The following STXBP6 variants were observed in gnomAD, a reference collection of about 807,000 sequenced individuals.
STXBP6 encodes the protein syntaxin-binding protein 6.
STXBP6 carries 21 observed loss-of-function variants against 26.9 expected under a neutral mutation model. The ratio of observed to expected loss-of-function variants is 0.78; its 90% CI spans 0.55 to 1.12. The LOEUF (loss-of-function observed/expected upper bound fraction) is 1.12. Among genes scored for constraint, STXBP6 ranks in the 50% most tolerant of loss-of-function variants. STXBP6 has a pLI of 0.00. For synonymous variants in STXBP6, 97 were observed against 92.6 expected, an observed-to-expected ratio of 1.05 and a Z score of -0.27; for missense variants, 232 against 257.9, an observed-to-expected ratio of 0.90 and a Z score of 0.69.
At chr14:24,993,172 C>T (rs1050637296) in intron 1 of STXBP6, among the ~76,000 whole-genome samples, 3 of 152,086 alleles carry the variant, frequency 2.0e-5, no homozygotes, top group Non-Finnish European at 4.4e-5. Flanking sequence ...ACCTTCAGCC[C>T]ACATGTTCAG....
At chr14:24,814,778 T>G (rs2067922893) in intron 5 of STXBP6, among the ~76,000 whole-genome samples, 1 of 152,180 alleles carries the variant, frequency 6.6e-6, no homozygotes, top group Non-Finnish European at 1.5e-5. Context: ...AGAGCACTCA[T>G]GAATGAGATT....
In STXBP6 at chr14:24,812,533, T is replaced by A. The variant is rs745531773; in HGVS notation, c.*176A>T. ...TTTATTAGCAAGATCATTAGGGAAA[T>A]GTAAAAATGCAACACCCTTTCTTTC... On this transcript the variant is annotated 3_prime_UTR_variant, in exon 6 of 6. Coordinates refer to ENST00000323944, the MANE Select transcript of STXBP6 (RefSeq NM_001394410.1). The A allele has an allele frequency of 1.6e-6, 1 of 626,018 alleles. No individual in the cohort carries two copies. The highest frequency in any genetic ancestry group is 2.8e-6 in the Non-Finnish European group (1 of 360,736). The allele number at this position is 626,018 out of a possible 1,614,324, so 38.8% of individuals were successfully genotyped here.
chr14:25,038,068 AACAC>A (rs145804703), intron 1 of STXBP6, among the ~76,000 whole-genome samples: 3 of 151,430 alleles, frequency 2.0e-5, no homozygotes, highest in Admixed American at 6.7e-5. Context: ...TAAAAATACG[AACAC>A]ACACACACAC....
chr14:24,911,734 A>G (rs1222125822), intron 2 of STXBP6, among the ~76,000 whole-genome samples: 1 of 152,176 alleles, frequency 6.6e-6, no homozygotes, highest in African/African-American at 2.4e-5. Flanking sequence ...TTATTCTATT[A>G]TCACCCTTTT....
chr14:25,049,788 C>T lies in STXBP6; in HGVS notation c.-33+90G>A, dbSNP rs1467366982. ...CAGCCACCCGCCTCGGACGGAGCGC[C>T]AGGCGCCCCAACAGCCGTGGCGGCT... is the stretch of plus-strand genomic sequence containing the variant. On this transcript the variant is annotated intron_variant, in intron 1 of 5. Transcript: ENST00000323944. The surrounding 1 kb of genome is among the most constrained non-coding windows in gnomAD (Gnocchi z 5.6). The T allele has an allele frequency of 1.0e-6, 1 of 985,628 alleles. No homozygotes were observed. Among genetic ancestry groups the T allele is most frequent in the Non-Finnish European group, 1.2e-6 (1 of 830,236 alleles). The allele number at this position is 985,628 out of a possible 1,614,324, so 61.1% of individuals were successfully genotyped here.
At chr14:24,883,314 A>C (rs1756074200) in intron 2 of STXBP6, among the ~76,000 whole-genome samples, 1 of 152,196 alleles carries the variant, frequency 6.6e-6, no homozygotes, top group Non-Finnish European at 1.5e-5. Flanking sequence ...AAAAAGTGGT[A>C]AAGGAACATT....
intron 2 of STXBP6, among the ~76,000 whole-genome samples, chr14:24,968,702 G>A (rs146327620): frequency 6.7e-4 from 102 of 152,178 alleles, no homozygotes; most frequent in South Asian, 3.3e-3. Context: ...AAATAAACCT[G>A]AATCTTACTA....
intron 2 of STXBP6, among the ~76,000 whole-genome samples, chr14:24,907,328 T>C (rs2071418158): frequency 6.6e-6 from 1 of 152,118 alleles, no homozygotes; most frequent in South Asian, 2.1e-4. Flanking sequence ...TGAAAGGATA[T>C]ACATGCAGGT....
intron 2 of STXBP6, among the ~76,000 whole-genome samples, chr14:24,875,872 G>C (rs796621062): frequency 2.0e-5 from 3 of 152,194 alleles, no homozygotes; most frequent in African/African-American, 7.2e-5. Context: ...TGATTGAAGT[G>C]CAGTCATATT....
intron 2 of STXBP6, among the ~76,000 whole-genome samples, chr14:24,899,802 A>AAAAAAAAAAAAAAAAAAAG (rs2071142896): frequency 6.0e-5 from 5 of 83,458 alleles, no homozygotes; most frequent in Non-Finnish European, 6.3e-5. Context: ...AAAAAAAAGC[A>AAAAAAAAAAAAAAAAAAAG]AAAAAAAAAA....
intron 1 of STXBP6, among the ~76,000 whole-genome samples, chr14:25,038,003 G>A (rs1253874786): frequency 6.6e-6 from 1 of 152,138 alleles, no homozygotes; most frequent in Non-Finnish European, 1.5e-5. Flanking sequence ...TAACCCCCAT[G>A]ACTACAGATT....
chr14:24,910,161 C>T (rs1445596381), intron 2 of STXBP6, among the ~76,000 whole-genome samples: 1 of 152,158 alleles, frequency 6.6e-6, no homozygotes, highest in African/African-American at 2.4e-5. Flanking sequence ...TCTTGATATC[C>T]ACAGCTTGCC....
At chr14:24,908,188 G>A (rs1024729667) in intron 2 of STXBP6, among the ~76,000 whole-genome samples, 1 of 152,140 alleles carries the variant, frequency 6.6e-6, no homozygotes, top group African/African-American at 2.4e-5. Flanking sequence ...GTACACTGAA[G>A]ACCTAGAAAT....
chr14:25,004,066 C>T (rs2074831972), intron 1 of STXBP6, among the ~76,000 whole-genome samples: 1 of 152,140 alleles, frequency 6.6e-6, no homozygotes, highest in Non-Finnish European at 1.5e-5. Flanking sequence ...AAGGAGTACA[C>T]CAGACAAGTT....
At chr14:24,836,110 G>A (rs2068604210) in intron 4 of STXBP6, among the ~76,000 whole-genome samples, 1 of 152,178 alleles carries the variant, frequency 6.6e-6, no homozygotes, top group Non-Finnish European at 1.5e-5. Flanking sequence ...AGCCTTCAGG[G>A]TGTGTATGAA....
intron 2 of STXBP6, among the ~76,000 whole-genome samples, chr14:24,891,333 C>A (rs1245773747): frequency 6.6e-6 from 1 of 152,192 alleles, no homozygotes; most frequent in Non-Finnish European, 1.5e-5. Flanking sequence ...CACAGTGCTG[C>A]TCCCTCTGAA....
intron 1 of STXBP6, among the ~76,000 whole-genome samples, chr14:25,010,983 T>C (rs2075015342): frequency 6.6e-6 from 1 of 150,920 alleles, no homozygotes; most frequent in Non-Finnish European, 1.5e-5. Flanking sequence ...CCCATGAAAA[T>C]GACAGTCTAA....
intron 2 of STXBP6, among the ~76,000 whole-genome samples, chr14:24,952,040 A>G (rs1051834414): frequency 6.6e-5 from 10 of 151,134 alleles, no homozygotes; most frequent in South Asian, 4.2e-4. Flanking sequence ...TATAATATAC[A>G]CATATAAAAA....
chr14:25,012,067 A>G (rs1360177047), intron 1 of STXBP6, among the ~76,000 whole-genome samples: 6 of 152,212 alleles, frequency 3.9e-5, no homozygotes, highest in East Asian at 1.9e-4. Context: ...CTGCAGTCTC[A>G]GATTTGACTA....
Sources: gnomAD v4.1 joint callset for allele counts (sites outside exome capture counted in the v4.1 genomes callset) on GRCh38, gnomAD v4.1.1 for gene constraint, Gnocchi (gnomAD v3.1) non-coding constraint, MANE v1.5 for transcripts, NCBI Gene and HGNC (gene_info 2026-07-23, HGNC 2026-07-21) for gene names.